The following PTPRT variants were observed in gnomAD, a reference collection of about 807,000 sequenced individuals.
PTPRT encodes the protein protein tyrosine phosphatase receptor type T.
In PTPRT, 56 loss-of-function variants were observed where a neutral mutation model predicts 176.8. That is an observed-to-expected ratio of 0.32 (90% CI 0.26 to 0.40). The LOEUF (loss-of-function observed/expected upper bound fraction) is 0.40. Ranked by LOEUF, PTPRT falls within the 10% of genes least tolerant of loss-of-function variation. The pLI is 1.00. For missense variants in PTPRT, 1,540 were observed against 1,908.2 expected, an observed-to-expected ratio of 0.81 and a Z score of 3.60; for synonymous variants, 783 against 739.0, an observed-to-expected ratio of 1.06 and a Z score of -0.96.
intron 1 of PTPRT, among the ~76,000 whole-genome samples, chr20:42,958,882 A>G (rs956841606): frequency 2.0e-5 from 3 of 152,170 alleles, no homozygotes; most frequent in Non-Finnish European, 4.4e-5. Context: ...GCCTTAATAT[A>G]GCTCAGTATT....
At position 42,078,765 on chromosome 20, in the gene PTPRT, G is replaced by A. The variant is rs1358182128; in HGVS notation, c.*2114C>T. 1 of 176,464 alleles carries A rather than the reference G, an allele frequency of 5.7e-6. No homozygotes were observed. Among genetic ancestry groups the A allele is most frequent in the Admixed American group, 6.3e-5 (1 of 15,784 alleles). The allele number at this position is 176,464 out of a possible 1,614,324, so 10.9% of individuals were successfully genotyped here. A position where few individuals can be genotyped will look rare whatever the true frequency, so the allele number is the denominator to read the frequency against. On this transcript the variant is annotated 3_prime_UTR_variant, in exon 31 of 31. Coordinates refer to ENST00000373187, the MANE Select transcript of PTPRT (RefSeq NM_007050.6). ...TCCCAATGCCTTTTCACATTTCTTT[G>A]CCATTGCACATATGGATCCCTTTGC...
rs188819501 is a variant in PTPRT, at chr20:42,085,473, A to C, written c.3972+255T>G. 2.0e-5 allele frequency among the ~76,000 whole-genome samples: 3 copies of C among 152,304 alleles called. No homozygotes were observed. The East Asian group carries it at 5.8e-4, about 29-fold the overall frequency. On this transcript the variant is annotated intron_variant, in intron 28 of 30. Coordinates refer to ENST00000373187, the MANE Select transcript of PTPRT (RefSeq NM_007050.6). ...AGTGGGGAAGAGCTAATGTCTAAGA[A>C]GTTTTGTCTACACGGCAGCAAGTGT...
At chr20:42,584,747 TG>T (rs1457365963) in intron 7 of PTPRT, among the ~76,000 whole-genome samples, 3 of 152,226 alleles carry the variant, frequency 2.0e-5, no homozygotes, top group Admixed American at 1.3e-4. Context: ...TTATCATTGC[TG>T]TATTCCCAGG....
intron 8 of PTPRT, among the ~76,000 whole-genome samples, chr20:42,459,860 A>C (rs941678421): frequency 1.3e-5 from 2 of 149,406 alleles, no homozygotes; most frequent in African/African-American, 4.9e-5. Context: ...CCAGCAATTC[A>C]CCTGCCTTGG....
intron 1 of PTPRT, among the ~76,000 whole-genome samples, chr20:42,933,805 C>T (rs1003805436): frequency 6.6e-6 from 1 of 152,126 alleles, no homozygotes. Context: ...CGTCTTCAGC[C>T]TCTCCTTAAG....
the PTPRT span, among the ~76,000 whole-genome samples, chr20:42,052,040 C>T: frequency 4.6e-5 from 7 of 152,170 alleles, no homozygotes; most frequent in Admixed American, 1.3e-4. Context: ...TTCTAAGTAA[C>T]GCAAATCTGC....
At chr20:42,459,512 G>A (rs958098965) in intron 8 of PTPRT, among the ~76,000 whole-genome samples, 4 of 152,216 alleles carry the variant, frequency 2.6e-5, no homozygotes, top group Non-Finnish European at 5.9e-5. Context: ...GGGGTGCAGA[G>A]CACAGTGGTT....
At position 43,189,548 on chromosome 20, in the gene PTPRT, G is replaced by T; in HGVS notation, c.88+98C>A. On this transcript the variant is annotated intron_variant, in intron 1 of 30. Coordinates refer to ENST00000373187, the MANE Select transcript of PTPRT (RefSeq NM_007050.6). The surrounding 1 kb of genome is among the most constrained non-coding windows in gnomAD (Gnocchi z 5.0). ...GCCATGGGGACCCGCGCCCCCGCGA[G>T]CCCACACAACTTTCTCCTCCGAGGG... 2 of 766,490 alleles carry T rather than the reference G, an allele frequency of 2.6e-6. No homozygotes were observed. Among genetic ancestry groups the T allele is most frequent in the Non-Finnish European group, 3.4e-6 (2 of 583,676 alleles). The allele number at this position is 766,490 out of a possible 1,614,324, so 47.5% of individuals were successfully genotyped here.
intron 2 of PTPRT, among the ~76,000 whole-genome samples, chr20:42,834,654 T>C (rs1163158082): frequency 6.6e-6 from 1 of 152,144 alleles, no homozygotes; most frequent in Non-Finnish European, 1.5e-5. Flanking sequence ...TCTCTTCCAA[T>C]AATCTGATCA....
chr20:43,160,178 T>G (rs1341897570), intron 1 of PTPRT, among the ~76,000 whole-genome samples: 1 of 152,050 alleles, frequency 6.6e-6, no homozygotes. Flanking sequence ...GAGGTCTCCA[T>G]GCCAGGAAAC....
chr20:42,893,867 G>C (rs1427386685), intron 1 of PTPRT, among the ~76,000 whole-genome samples: 1 of 151,748 alleles, frequency 6.6e-6, no homozygotes, highest in East Asian at 1.9e-4. Context: ...GTTGTGGGGT[G>C]GGGGGAGTGG....
intron 16 of PTPRT, among the ~76,000 whole-genome samples, chr20:42,175,154 T>C (rs1268108849): frequency 1.3e-5 from 2 of 152,196 alleles, no homozygotes; most frequent in Non-Finnish European, 2.9e-5. Flanking sequence ...AAGCTGAGCA[T>C]GTCACCTCCC....
chr20:42,098,570 C>A lies in PTPRT; in HGVS notation c.3715-18G>T. ...TTGTGGCTCTGACAAAGGAATGACA[C>A]AGGCTTCGTAAATTACACATCCATC... On this transcript the variant is annotated intron_variant, in intron 26 of 30. Coordinates refer to ENST00000373187, the MANE Select transcript of PTPRT (RefSeq NM_007050.6). 6.2e-7 allele frequency: 1 copy of A among 1,613,754 alleles called. No individual in the cohort carries two copies. Among genetic ancestry groups the A allele is most frequent in the Non-Finnish European group, 8.5e-7 (1 of 1,179,842 alleles).
chr20:42,941,612 C>T (rs750948410), intron 1 of PTPRT, among the ~76,000 whole-genome samples: 10 of 152,158 alleles, frequency 6.6e-5, no homozygotes, highest in Non-Finnish European at 1.3e-4. Context: ...CCTGACTCCA[C>T]GCTACATGTT....
intron 1 of PTPRT, among the ~76,000 whole-genome samples, chr20:43,087,951 G>C (rs2011667920): frequency 6.6e-6 from 1 of 152,108 alleles, no homozygotes; most frequent in Non-Finnish European, 1.5e-5. Context: ...CTAGATAAGA[G>C]GAGTAAGTTC....
chr20:42,036,873 T>TG, the PTPRT span, among the ~76,000 whole-genome samples: 1 of 152,128 alleles, frequency 6.6e-6, no homozygotes, highest in Admixed American at 6.5e-5. Context: ...AGAAAGAAGT[T>TG]GTTGTTTCTT....
At chr20:42,240,192 C>G (rs2056325251) in intron 14 of PTPRT, among the ~76,000 whole-genome samples, 1 of 152,238 alleles carries the variant, frequency 6.6e-6, no homozygotes, top group African/African-American at 2.4e-5. Context: ...TCTGACCCAG[C>G]AGCAAGGCAA....
At chr20:42,600,641 G>A (rs930801057) in intron 7 of PTPRT, among the ~76,000 whole-genome samples, 3 of 152,008 alleles carry the variant, frequency 2.0e-5, no homozygotes, top group Non-Finnish European at 4.4e-5. Flanking sequence ...GGTTTCCAAT[G>A]TCTCTTATTC....
At chr20:42,314,369 A>G (rs181999828) in intron 12 of PTPRT, among the ~76,000 whole-genome samples, 2 of 152,108 alleles carry the variant, frequency 1.3e-5, no homozygotes, top group Non-Finnish European at 2.9e-5. Context: ...TCTACCAAAA[A>G]TACAAAAAAA....
Sources: gnomAD v4.1 joint callset for allele counts (sites outside exome capture counted in the v4.1 genomes callset) on GRCh38, gnomAD v4.1.1 for gene constraint, Gnocchi (gnomAD v3.1) non-coding constraint, MANE v1.5 for transcripts, NCBI Gene and HGNC (gene_info 2026-07-23, HGNC 2026-07-21) for gene names.